Variants in LRMDA observed in about 807,000 individuals in gnomAD.
LRMDA encodes leucine rich melanocyte differentiation associated, also known as leucine-rich melanocyte differentiation-associated protein.
A neutral mutation model predicts 29.8 loss-of-function variants in LRMDA; 18 were observed. That is an observed-to-expected ratio of 0.60 (90% CI 0.42 to 0.90). The LOEUF (loss-of-function observed/expected upper bound fraction) is 0.90. Among genes scored for constraint, LRMDA ranks in the 40% least tolerant of loss-of-function variants. The pLI is 0.00. For synonymous variants in LRMDA, 125 were observed against 109.4 expected (o/e 1.14, Z -0.89); for missense variants, 273 against 273.9 (o/e 1.00, Z 0.02).
chr10:75,682,047 A>G (rs1842029574), intron 2 of LRMDA, among the ~76,000 whole-genome samples: 1 of 152,172 alleles, frequency 6.6e-6, no homozygotes, highest in Non-Finnish European at 1.5e-5. Flanking sequence ...TTCTTGTGAC[A>G]TTGTAACTCC....
At chr10:75,595,167 C>T (rs1840770835) in intron 2 of LRMDA, among the ~76,000 whole-genome samples, 2 of 152,098 alleles carry the variant, frequency 1.3e-5, no homozygotes, top group Non-Finnish European at 2.9e-5. Context: ...GAAATTCCAA[C>T]CTGATTTTAT....
chr10:75,783,480 A>G (rs1300939256), intron 2 of LRMDA, among the ~76,000 whole-genome samples: 1 of 146,208 alleles, frequency 6.8e-6, no homozygotes, highest in African/African-American at 2.5e-5. Flanking sequence ...CTTACTGCTC[A>G]GAGGCAAAAA....
At chr10:76,055,887 G>A (rs556080554) in intron 4 of LRMDA, among the ~76,000 whole-genome samples, 3 of 152,322 alleles carry the variant, frequency 2.0e-5, no homozygotes, top group South Asian at 4.1e-4. Context: ...TGTTAGGTCT[G>A]GGCTCCCCAA....
At chr10:76,019,048 T>G (rs1048385093) in intron 2 of LRMDA, among the ~76,000 whole-genome samples, 2 of 152,188 alleles carry the variant, frequency 1.3e-5, no homozygotes, top group African/African-American at 4.8e-5. Context: ...GTTTACGCCA[T>G]TTTCCTGGCA....
chr10:76,267,638 A>G (rs1241853770), intron 5 of LRMDA, among the ~76,000 whole-genome samples: 4 of 152,214 alleles, frequency 2.6e-5, no homozygotes, highest in Non-Finnish European at 5.9e-5. Context: ...GTGGAAGCCT[A>G]TTTCAGAAAT....
intron 2 of LRMDA, among the ~76,000 whole-genome samples, chr10:75,896,269 T>C (rs1195153563): frequency 6.6e-6 from 1 of 152,158 alleles, no homozygotes; most frequent in Non-Finnish European, 1.5e-5. Context: ...AGCTATATGA[T>C]TTGGGGTAAT....
intron 2 of LRMDA, among the ~76,000 whole-genome samples, chr10:75,751,248 G>T (rs1231039031): frequency 6.6e-6 from 1 of 152,122 alleles, no homozygotes; most frequent in Non-Finnish European, 1.5e-5. Context: ...AGGTTGCAGT[G>T]AGCCGAGATG....
At chr10:76,020,340 T>C (rs1465800872) in intron 2 of LRMDA, among the ~76,000 whole-genome samples, 2 of 152,174 alleles carry the variant, frequency 1.3e-5, no homozygotes, top group Non-Finnish European at 2.9e-5. Flanking sequence ...AGTGGGGATC[T>C]ATGGAAAATG....
chr10:75,678,122 G>A (rs1841983160), intron 2 of LRMDA, among the ~76,000 whole-genome samples: 1 of 152,086 alleles, frequency 6.6e-6, no homozygotes, highest in Non-Finnish European at 1.5e-5. Context: ...GTACACAGAT[G>A]TACAGAACCA....
At chr10:75,549,606 C>T (rs961907678) in intron 2 of LRMDA, among the ~76,000 whole-genome samples, 4 of 152,132 alleles carry the variant, frequency 2.6e-5, no homozygotes, top group African/African-American at 9.7e-5. Context: ...CAGGTACATG[C>T]CACTGCTTCA....
At chr10:75,941,157 T>A (rs1053609322) in intron 2 of LRMDA, among the ~76,000 whole-genome samples, 1 of 152,134 alleles carries the variant, frequency 6.6e-6, no homozygotes, top group African/African-American at 2.4e-5. Context: ...CCTTATAGTT[T>A]AAATGGAGCC....
At chr10:76,343,284 A>G (rs1589144337) in intron 6 of LRMDA, among the ~76,000 whole-genome samples, 1 of 152,230 alleles carries the variant, frequency 6.6e-6, no homozygotes, top group Admixed American at 6.5e-5. Flanking sequence ...AGAAACACTG[A>G]TAAGGGCTTT....
chr10:75,866,001 T>C (rs1012491401), intron 2 of LRMDA, among the ~76,000 whole-genome samples: 3 of 152,230 alleles, frequency 2.0e-5, no homozygotes, highest in Non-Finnish European at 4.4e-5. Context: ...CATTTAGTAG[T>C]TAATCTTTTA....
Position 75,738,871 on chromosome 10 carries a change from T to C in LRMDA, c.132-297137T>C, listed in dbSNP as rs536264580. On this transcript the variant is annotated intron_variant, in intron 2 of 6. Transcript: ENST00000611255. ...TTCTCGAGCTGGTCTGCCGAGAGTC[T>C]GTGAAGGATGGGGCCAGAGTGAGTC... Among the ~76,000 whole-genome samples, 25 of 152,316 alleles carry C rather than the reference T, an allele frequency of 1.6e-4. No homozygotes were observed. The South Asian group carries it at 5.2e-3, about 32-fold the overall frequency.
intron 6 of LRMDA, among the ~76,000 whole-genome samples, chr10:76,542,586 C>A (rs559170079): frequency 6.6e-6 from 1 of 152,194 alleles, no homozygotes; most frequent in South Asian, 2.1e-4. Flanking sequence ...ATTATTTCAG[C>A]CCTTTGAGAT....
Position 76,335,264 on chromosome 10 carries a change from G to T in LRMDA, c.601+10779G>T, listed in dbSNP as rs539899306. Among the ~76,000 whole-genome samples, 21 of 152,348 alleles carry T rather than the reference G, an allele frequency of 1.4e-4. No individual in the cohort carries two copies. In the South Asian group the frequency reaches 2.9e-3, roughly 21 times the overall value. On this transcript the variant is annotated intron_variant, in intron 6 of 6. Transcript: ENST00000611255. ...GCAAATTAGGATAAAACATTAAGAT[G>T]ATCTGGCTTTGCAGAGTGTAGTGCT...
intron 2 of LRMDA, among the ~76,000 whole-genome samples, chr10:75,925,004 TG>T (rs1846095845): frequency 6.6e-6 from 1 of 152,144 alleles, no homozygotes; most frequent in African/African-American, 2.4e-5. Context: ...CGGGTTGCCT[TG>T]GCCGATTTCT....
At chr10:76,245,552 G>A (rs770844497) in intron 5 of LRMDA, among the ~76,000 whole-genome samples, 1 of 152,240 alleles carries the variant, frequency 6.6e-6, no homozygotes, top group Non-Finnish European at 1.5e-5. Flanking sequence ...CCTATGATGA[G>A]CTCCCTACTG....
intron 5 of LRMDA, among the ~76,000 whole-genome samples, chr10:76,193,985 T>C (rs1367299413): frequency 6.6e-6 from 1 of 152,140 alleles, no homozygotes; most frequent in Non-Finnish European, 1.5e-5. Context: ...GGTGGACAAA[T>C]AATGGCATTT....
Sources: gnomAD v4.1 joint callset for allele counts (sites outside exome capture counted in the v4.1 genomes callset) on GRCh38, gnomAD v4.1.1 for gene constraint, MANE v1.5 for transcripts, NCBI Gene and HGNC (gene_info 2026-07-23, HGNC 2026-07-21) for gene names.